Variants in COL14A1 observed in about 807,000 individuals in gnomAD.
COL14A1 encodes collagen alpha-1(XIV) chain.
Under a neutral mutation model 230.3 loss-of-function variants are expected in COL14A1, and 136 were observed. The observed-to-expected ratio is 0.59, with a 90% CI of 0.51 to 0.68. COL14A1 has a LOEUF of 0.68. Ranked by LOEUF, COL14A1 falls within the 30% of genes least tolerant of loss-of-function variation. COL14A1 has a pLI of 0.00. For missense variants in COL14A1, 1,976 were observed against 2,215.8 expected, an observed-to-expected ratio of 0.89 and a Z score of 2.17; for synonymous variants, 792 against 784.1, an observed-to-expected ratio of 1.01 and a Z score of -0.17.
chr8:120,207,805 G>T (rs1282791823), intron 10 of COL14A1, among the ~76,000 whole-genome samples: 1 of 142,962 alleles, frequency 7.0e-6, no homozygotes, highest in Non-Finnish European at 1.5e-5. Flanking sequence ...TTAAGTGTTA[G>T]AAAAGTAGAT....
chr8:120,290,565 T>G (rs1820343484), intron 34 of COL14A1, among the ~76,000 whole-genome samples: 1 of 152,230 alleles, frequency 6.6e-6, no homozygotes, highest in Non-Finnish European at 1.5e-5. Flanking sequence ...ATCAAGATAA[T>G]TATGAATTAC....
intron 18 of COL14A1, 151 bp from the exon 19 acceptor site, chr8:120,231,316 C>T: frequency 1.4e-6 from 1 of 740,056 alleles, no homozygotes; most frequent in Non-Finnish European, 2.2e-6. Context: ...CCCCATTAAG[C>T]ACCATAGCTG....
At chr8:120,135,739 A>T (rs1814690349) in intron 1 of COL14A1, among the ~76,000 whole-genome samples, 1 of 152,064 alleles carries the variant, frequency 6.6e-6, no homozygotes, top group South Asian at 2.1e-4. Context: ...TTAACCCATG[A>T]ACATGGTGCA....
In COL14A1 at chr8:120,280,751, TATGC is replaced by T. The variant is rs1820008302; in HGVS notation, c.3685+5_3685+8del. The T allele has an allele frequency of 1.2e-6, 2 of 1,612,974 alleles. No individual in the cohort carries two copies. The highest frequency in any genetic ancestry group is 2.2e-5 in the South Asian group (2 of 90,872). On this transcript the variant is annotated splice_donor_5th_base_variant and intron_variant, in intron 30 of 47. Transcript: ENST00000297848. Reference sequence around the variant, plus strand: ...ACAAGGATGGCATTGATCTTGCAGGTATGCATTATCACAATCTTTTCAAACACAA... The same window carrying T: ...ACAAGGATGGCATTGATCTTGCAGGTATTATCACAATCTTTTCAAACACAA...
At chr8:120,276,589 T>C (rs1464198538) in intron 26 of COL14A1, among the ~76,000 whole-genome samples, 1 of 151,850 alleles carries the variant, frequency 6.6e-6, no homozygotes, top group Non-Finnish European at 1.5e-5. Context: ...ATGCAGTGTC[T>C]GGTTTTCTGT....
At chr8:120,233,414 A>G (rs1818342221) in intron 19 of COL14A1, among the ~76,000 whole-genome samples, 1 of 151,974 alleles carries the variant, frequency 6.6e-6, no homozygotes, top group South Asian at 2.1e-4. Context: ...TTATGTTTAA[A>G]TCTTTAATCC....
chr8:120,333,200 A>T (rs147128327), intron 42 of COL14A1, among the ~76,000 whole-genome samples: 3 of 152,372 alleles, frequency 2.0e-5, no homozygotes, highest in African/African-American at 7.2e-5. Flanking sequence ...GAGAGGTGTT[A>T]TAAGTGAAAA....
chr8:120,347,526 G>C (rs1563398), intron 45 of COL14A1, among the ~76,000 whole-genome samples: 68,318 of 151,898 alleles, frequency 0.45, 15,591 homozygotes, highest in African/African-American at 0.54. Context: ...AGTTATTTCA[G>C]CTGCAGCTTG....
At chr8:120,129,315 G>C (rs1002153331) in intron 1 of COL14A1, among the ~76,000 whole-genome samples, 2 of 152,274 alleles carry the variant, frequency 1.3e-5, no homozygotes, top group South Asian at 4.1e-4. Flanking sequence ...GAGATGTAAA[G>C]CTACCCTTTA....
intron 45 of COL14A1, among the ~76,000 whole-genome samples, chr8:120,346,967 T>C (rs574780099): frequency 6.6e-6 from 1 of 152,282 alleles, no homozygotes; most frequent in South Asian, 2.1e-4. Flanking sequence ...TCAGCAGATA[T>C]AGAAAATGGC....
chr8:120,253,582 T>C (rs553839529), intron 22 of COL14A1, among the ~76,000 whole-genome samples: 1 of 152,318 alleles, frequency 6.6e-6, no homozygotes, highest in Admixed American at 6.5e-5. Flanking sequence ...ATAAGGTATT[T>C]TAAAAATATT....
At chr8:120,145,119 A>G (rs1815043608) in intron 1 of COL14A1, among the ~76,000 whole-genome samples, 1 of 152,234 alleles carries the variant, frequency 6.6e-6, no homozygotes. Flanking sequence ...ATAGCCAACA[A>G]ACACCAAATG....
chr8:120,185,268 A>T (rs756588429), intron 5 of COL14A1, among the ~76,000 whole-genome samples: 8 of 152,206 alleles, frequency 5.3e-5, no homozygotes, highest in African/African-American at 9.6e-5. Context: ...CACAGCAGTG[A>T]CCATCTGTGT....
intron 5 of COL14A1, among the ~76,000 whole-genome samples, chr8:120,196,260 T>C (rs1305446588): frequency 2.6e-5 from 4 of 152,244 alleles, no homozygotes; most frequent in African/African-American, 9.6e-5. Flanking sequence ...CCAAAAGCCC[T>C]TCCTACTTTA....
intron 40 of COL14A1, among the ~76,000 whole-genome samples, chr8:120,323,347 T>C (rs1821529413): frequency 6.6e-6 from 1 of 152,064 alleles, no homozygotes; most frequent in East Asian, 1.9e-4. Flanking sequence ...TTGCAAAAAT[T>C]GTCTCCCATT....
At chr8:120,130,436 C>G (rs565464559) in intron 1 of COL14A1, among the ~76,000 whole-genome samples, 1 of 152,246 alleles carries the variant, frequency 6.6e-6, no homozygotes, top group South Asian at 2.1e-4. Flanking sequence ...TCTGCCTCCT[C>G]ATCTTCTTCC....
At chr8:120,319,006 A>G (rs1821337448) in intron 40 of COL14A1, among the ~76,000 whole-genome samples, 1 of 152,194 alleles carries the variant, frequency 6.6e-6, no homozygotes, top group South Asian at 2.1e-4. Context: ...AAGCTGCAAC[A>G]GACATTTTCA....
intron 8 of COL14A1, among the ~76,000 whole-genome samples, chr8:120,200,702 A>G (rs1817207476): frequency 1.6e-5 from 2 of 127,114 alleles, no homozygotes; most frequent in Non-Finnish European, 3.3e-5. Flanking sequence ...AAGATCCTAA[A>G]AAGTTTTCCT....
chr8:120,344,029 A>T (rs1022317524), intron 44 of COL14A1, among the ~76,000 whole-genome samples: 1 of 152,162 alleles, frequency 6.6e-6, no homozygotes, highest in Non-Finnish European at 1.5e-5. Flanking sequence ...TTCAAAATCA[A>T]TTTTTTCTCC....
Sources: gnomAD v4.1 joint callset for allele counts (sites outside exome capture counted in the v4.1 genomes callset) on GRCh38, gnomAD v4.1.1 for gene constraint, MANE v1.5 for transcripts, NCBI Gene and HGNC (gene_info 2026-07-23, HGNC 2026-07-21) for gene names.